PPP2R3B: variants seen among roughly 807,000 people sequenced by gnomAD.
The protein encoded by PPP2R3B is protein phosphatase 2 regulatory subunit B''beta, also known as serine/threonine-protein phosphatase 2A regulatory subunit B'' subunit beta.
In PPP2R3B, 68 loss-of-function variants were observed where a neutral mutation model predicts 72.9. The observed-to-expected ratio is 0.93, with a 90% CI of 0.77 to 1.14. PPP2R3B has a LOEUF of 1.14. Ranked by LOEUF, PPP2R3B falls within the 50% of genes most tolerant of loss-of-function variation. The probability of loss-of-function intolerance (pLI) is 0.00; values close to 1 mark genes in which losing one functional copy is unlikely to be tolerated. For synonymous variants in PPP2R3B, 466 were observed against 375.8 expected, an observed-to-expected ratio of 1.24 and a Z score of -2.78; for missense variants, 1,018 against 842.0, an observed-to-expected ratio of 1.21 and a Z score of -2.59.
chrX:339,272 C>CGGGGG lies in PPP2R3B; in HGVS notation c.1352-381_1352-377dup, dbSNP rs113634597. On this transcript the variant is annotated intron_variant, in intron 10 of 12. Coordinates refer to ENST00000390665, the MANE Select transcript of PPP2R3B (RefSeq NM_013239.5). ...TGAGCAGCAGGAGGCGCCCCATGGC[C>CGGGGG]GGGGGGGGCAGGGCTGCAGGGCGGT... Among the ~76,000 whole-genome samples, 28 of 134,350 alleles carry CGGGGG rather than the reference C, an allele frequency of 2.1e-4. No homozygotes were observed. The East Asian group carries it at 2.4e-3, about 11-fold the overall frequency. The allele number at this position is 134,350 out of a possible 152,430, so 88.1% of individuals were successfully genotyped here. A position where few individuals can be genotyped will look rare whatever the true frequency, so the allele number is the denominator to read the frequency against.
intron 7 of PPP2R3B, chrX:344,842 C>T (rs2071162296): frequency 1.3e-5 from 4 of 303,988 alleles, no homozygotes; most frequent in Non-Finnish European, 1.3e-5. Context: ...AGCTCACGTT[C>T]GGGGAACCAG....
intron 12 of PPP2R3B, 77 bp downstream of exon 12, chrX:338,527 C>T (rs1212619405): frequency 2.5e-5 from 10 of 403,708 alleles, no homozygotes; most frequent in Admixed American, 6.0e-5. Context: ...CACACCCGTC[C>T]TCCCACTCAC....
chrX:341,017 C>G, intron 9 of PPP2R3B, 77 bp from the exon 10 acceptor site: 2 of 1,542,256 alleles, frequency 1.3e-6, no homozygotes, highest in Non-Finnish European at 8.7e-7. Flanking sequence ...AGGCAGCCCC[C>G]ACCGGGGGTG....
rs1425771275 is a variant in PPP2R3B at position 340,555 on chromosome X, C to T, written c.1351+210G>A. Among the ~76,000 whole-genome samples, 15 of 130,306 alleles carry T rather than the reference C, an allele frequency of 1.2e-4. 1 individual carries two copies. The highest frequency in any genetic ancestry group is 4.7e-4 in the African/African-American group (14 of 29,516). The allele number at this position is 130,306 out of a possible 152,430, so 85.5% of individuals were successfully genotyped here. The stretch of plus-strand genomic sequence containing the variant: ...CCGTCCCCTCACCCTGGGCCGTCCC[C>T]CCTCCCGTCCGTCCCCTCACCCTGG... On this transcript the variant is annotated intron_variant, in intron 10 of 12. Coordinates refer to ENST00000390665, the MANE Select transcript of PPP2R3B (RefSeq NM_013239.5).
chrX:356,377 G>T (rs1469460835), intron 2 of PPP2R3B, among the ~76,000 whole-genome samples: 2 of 152,120 alleles, frequency 1.3e-5, no homozygotes, highest in Non-Finnish European at 2.9e-5. Flanking sequence ...CACCATACCT[G>T]GCTAATTTTT....
chrX:355,864 G>A lies in PPP2R3B; in HGVS notation c.510+5541C>T, dbSNP rs752977529. On this transcript the variant is annotated intron_variant, in intron 2 of 12. Transcript: ENST00000390665. The stretch of plus-strand genomic sequence containing the variant: ...AGAGAAAAGTCCAGCGCACGTGCCC[G>A]CTCAAGCGCAAGGATGCAGGGACGC... Among the ~76,000 whole-genome samples, 142 of 152,352 alleles carry A rather than the reference G, an allele frequency of 9.3e-4. 1 individual carries two copies. Among genetic ancestry groups the A allele is most frequent in the African/African-American group, 3.3e-3 (137 of 41,566 alleles).
At chrX:341,711 C>T in intron 8 of PPP2R3B, 172 bp downstream of exon 8, 5 of 686,070 alleles carry the variant, frequency 7.3e-6, no homozygotes, top group Non-Finnish European at 9.8e-6. Flanking sequence ...CTTGTGCCAC[C>T]CCCCCCCACT....
intron 1 of PPP2R3B, among the ~76,000 whole-genome samples, chrX:382,859 A>G (rs1467713650): frequency 6.6e-6 from 1 of 152,176 alleles, no homozygotes; most frequent in Non-Finnish European, 1.5e-5. Flanking sequence ...CAACACGTTT[A>G]AGGACAAAAT....
At chrX:338,421 G>T in intron 12 of PPP2R3B, 183 bp downstream of exon 12, 1 of 646,664 alleles carries the variant, frequency 1.5e-6, no homozygotes. Flanking sequence ...CCCTGTCATC[G>T]GCTGTCCTTA....
chrX:346,100 A>AGGAAGGAGAGAGG (rs1556133041), intron 6 of PPP2R3B, 74 bp downstream of exon 6: 1 of 652,646 alleles, frequency 1.5e-6, no homozygotes, highest in African/African-American at 3.5e-5. Context: ...AGGGGGGAGG[A>AGGAAGGAGAGAGG]GGGAAGGGAA....
At chrX:348,745 C>G (rs1434682719) in intron 2 of PPP2R3B, among the ~76,000 whole-genome samples, 14 of 152,138 alleles carry the variant, frequency 9.2e-5, no homozygotes, top group African/African-American at 3.4e-4. Flanking sequence ...TCTGAAAGAG[C>G]TGTTTCTGCA....
chrX:344,570 G>C (rs1041004831), intron 7 of PPP2R3B, among the ~76,000 whole-genome samples: 1 of 152,234 alleles, frequency 6.6e-6, no homozygotes, highest in African/African-American at 2.4e-5. Flanking sequence ...GGGCCGCGCC[G>C]GGCCGGGGGT....
intron 1 of PPP2R3B, among the ~76,000 whole-genome samples, chrX:380,483 C>T (rs2072098849): frequency 6.6e-6 from 1 of 152,108 alleles, no homozygotes. Flanking sequence ...CAGGGAAATG[C>T]AATCAAAATC....
Position 334,005 on chromosome X carries a change from G to A in PPP2R3B, c.*362C>T, listed in dbSNP as rs1427113034. On this transcript the variant is annotated 3_prime_UTR_variant, in exon 13 of 13. Coordinates refer to ENST00000390665, the MANE Select transcript of PPP2R3B (RefSeq NM_013239.5). ...ACACAAAACATTCACACAGCCTGTG[G>A]TGGAGGCTCCTGTCCAGGACTGAGG... is the stretch of plus-strand genomic sequence containing the variant. 4.5e-6 allele frequency: 1 copy of A among 222,468 alleles called. No homozygotes were observed. Among genetic ancestry groups the A allele is most frequent in the Non-Finnish European group, 8.8e-6 (1 of 114,272 alleles). 13.8% of individuals were successfully genotyped at this position (222,468 alleles called of 1,614,324 possible).
chrX:370,801 G>A (rs1377420699), intron 1 of PPP2R3B, among the ~76,000 whole-genome samples: 6 of 152,220 alleles, frequency 3.9e-5, no homozygotes, highest in Non-Finnish European at 2.9e-5. Context: ...AGAGCAGGAG[G>A]TGCGTCAGGG....
intron 2 of PPP2R3B, among the ~76,000 whole-genome samples, chrX:358,287 GC>G (rs2071475727): frequency 2.6e-5 from 4 of 152,142 alleles, no homozygotes; most frequent in Admixed American, 2.6e-4. Flanking sequence ...TTTGCCTGCG[GC>G]CCCCACACAC....
intron 1 of PPP2R3B, among the ~76,000 whole-genome samples, chrX:375,605 G>A (rs1194304050): frequency 1.3e-5 from 2 of 152,124 alleles, no homozygotes; most frequent in African/African-American, 2.4e-5. Context: ...CACGATGTGG[G>A]GCGCAAACTC....
At chrX:361,944 C>G (rs1188931220) in intron 1 of PPP2R3B, among the ~76,000 whole-genome samples, 1 of 152,170 alleles carries the variant, frequency 6.6e-6, no homozygotes, top group Non-Finnish European at 1.5e-5. Flanking sequence ...ACACCACTGA[C>G]CCCACCACAC....
intron 1 of PPP2R3B, among the ~76,000 whole-genome samples, chrX:373,093 A>G (rs1350146701): frequency 6.6e-6 from 1 of 152,144 alleles, no homozygotes; most frequent in Non-Finnish European, 1.5e-5. Flanking sequence ...CACCCACCCG[A>G]CGCCTTTACG....
Sources: allele counts gnomAD v4.1 joint callset (sites outside exome capture counted in the v4.1 genomes callset), GRCh38; gene constraint gnomAD v4.1.1; transcripts MANE v1.5; gene names NCBI Gene and HGNC (gene_info 2026-07-23, HGNC 2026-07-21).